The following RASAL2 variants were observed in gnomAD, a reference collection of about 807,000 sequenced individuals.
RASAL2 encodes the protein RAS protein activator like 2.
In RASAL2, 58 loss-of-function variants were observed where a neutral mutation model predicts 128.9. That is an observed-to-expected ratio of 0.45 (90% CI 0.36 to 0.56). The LOEUF (loss-of-function observed/expected upper bound fraction) is 0.56. Ranked by LOEUF, RASAL2 falls within the 20% of genes least tolerant of loss-of-function variation. The probability of loss-of-function intolerance (pLI) is 0.00; values close to 1 mark genes in which losing one functional copy is unlikely to be tolerated. For synonymous variants in RASAL2, 561 were observed against 580.8 expected (o/e 0.97, Z 0.49); for missense variants, 1,360 against 1,601.6 (o/e 0.85, Z 2.57).
intron 1 of RASAL2, among the ~76,000 whole-genome samples, chr1:178,232,721 G>C (rs1664061480): frequency 6.6e-6 from 1 of 152,100 alleles, no homozygotes; most frequent in African/African-American, 2.4e-5. Flanking sequence ...GCATTGATTT[G>C]CTTGAAATTA....
chr1:178,299,557 G>A (rs533649953), intron 2 of RASAL2, among the ~76,000 whole-genome samples: 1 of 152,014 alleles, frequency 6.6e-6, no homozygotes, highest in Non-Finnish European at 1.5e-5. Context: ...GAGTGCAGTG[G>A]TGTGATCTCG....
chr1:178,285,103 CTTTTTTTTTTT>C (rs58901015), intron 2 of RASAL2, among the ~76,000 whole-genome samples: 13 of 81,936 alleles, frequency 1.6e-4, no homozygotes, highest in East Asian at 1.4e-3. Flanking sequence ...TTGCTACTTT[CTTTTTTTTTTT>C]TTTTTTTTTT....
In RASAL2 at chr1:178,475,038, T is replaced by G. The variant is rs1489458413; in HGVS notation, c.*1799T>G. 6.6e-6 allele frequency: 1 copy of G among 152,230 alleles called. No homozygotes were observed. Among genetic ancestry groups the G allele is most frequent in the African/African-American group, 2.4e-5 (1 of 41,450 alleles). The allele number at this position is 152,230 out of a possible 1,614,324, so 9.4% of individuals were successfully genotyped here. Reference sequence around the variant, plus strand: ...GATGCCGACAGACACCAAGCCCTCCTTTTCACCAAGTCCCAGGCTTGCATT... The same window carrying G: ...GATGCCGACAGACACCAAGCCCTCCGTTTCACCAAGTCCCAGGCTTGCATT... On this transcript the variant is annotated 3_prime_UTR_variant, in exon 18 of 18. Transcript: ENST00000367649.
In RASAL2 at chr1:178,415,150, AC is replaced by A. The variant is rs1328566600; in HGVS notation, c.565-5360del. On this transcript the variant is annotated intron_variant, in intron 4 of 17. Coordinates refer to ENST00000367649, the MANE Select transcript of RASAL2 (RefSeq NM_170692.4). ...TTTTTTTTCTAGTTTTCTAAGATAG[AC>A]ACTTAGTATTGGGTTTAGATCTTTC... Among the ~76,000 whole-genome samples the A allele has an allele frequency of 2.0e-5, 3 of 152,044 alleles. 1 individual carries two copies. The highest frequency in any genetic ancestry group is 7.2e-5 in the African/African-American group (3 of 41,432).
intron 3 of RASAL2, among the ~76,000 whole-genome samples, chr1:178,378,892 GGAAA>G (rs1230890451): frequency 6.6e-6 from 1 of 151,582 alleles, no homozygotes; most frequent in Non-Finnish European, 1.5e-5. Flanking sequence ...GAAAGTTTAG[GGAAA>G]GAAAGAATGA....
At chr1:178,159,343 A>G (rs1412389959) in intron 1 of RASAL2, among the ~76,000 whole-genome samples, 1 of 152,188 alleles carries the variant, frequency 6.6e-6, no homozygotes, top group Non-Finnish European at 1.5e-5. Flanking sequence ...CTTTACTGTC[A>G]TGTATATATT....
chr1:178,341,397 G>A (rs1391541598), intron 3 of RASAL2: 1 of 1,380,662 alleles, frequency 7.2e-7, no homozygotes, highest in South Asian at 1.8e-5. Context: ...TGGGATTGGG[G>A]GCGGGGTTGG....
intron 1 of RASAL2, among the ~76,000 whole-genome samples, chr1:178,229,826 G>T (rs1037808367): frequency 1.3e-5 from 2 of 152,110 alleles, no homozygotes; most frequent in Non-Finnish European, 2.9e-5. Context: ...ATCTAATTAT[G>T]ATGAAATGGT....
chr1:178,094,475 C>T lies in RASAL2; in HGVS notation c.-18C>T, dbSNP rs778208959. The T allele has an allele frequency of 2.1e-5, 33 of 1,536,172 alleles. 1 individual carries two copies. In the South Asian group the frequency reaches 3.0e-4, roughly 14 times the overall value. On this transcript the variant is annotated 5_prime_UTR_variant, in exon 1 of 18. Coordinates refer to ENST00000367649, the MANE Select transcript of RASAL2 (RefSeq NM_170692.4). ...GCCCCGAAGCCGCCGCCTCGTCCCC[C>T]TCCCGCCTCGGGGCACCATGGAGCT...
rs1380309654 is a variant in RASAL2 at position 178,451,618 on chromosome 1, G to A, written c.1675G>A (p.Asp559Asn). The change falls in exon 10 of 18, where the codon GAT (aspartate) becomes AAT (asparagine). Residue 559 changes from aspartate (D) to asparagine (N), a missense_variant. By Grantham distance (23) the Asp-to-Asn change is conservative. This residue lies in a region of RASAL2 where 617 missense variants were observed against 714.2 expected (regional missense o/e 0.86). Coordinates refer to ENST00000367649, the MANE Select transcript of RASAL2 (RefSeq NM_170692.4). ...LYESDENCEV[D>N]PSKCSSSELI... ...TGAGTCCGATGAGAACTGTGAAGTG[G>A]ATCCCAGCAAATGTTCATCTAGTGA... 1.2e-6 allele frequency: 2 copies of A among 1,613,696 alleles called. No individual in the cohort carries two copies. Among genetic ancestry groups the A allele is most frequent in the African/African-American group, 1.3e-5 (1 of 74,888 alleles).
chr1:178,125,692 A>C (rs1020192658), intron 1 of RASAL2, among the ~76,000 whole-genome samples: 2 of 152,166 alleles, frequency 1.3e-5, no homozygotes, highest in African/African-American at 4.8e-5. Flanking sequence ...TGTCAAACAG[A>C]TGCAGAACGA....
intron 3 of RASAL2, among the ~76,000 whole-genome samples, chr1:178,342,963 G>C (rs1010487277): frequency 3.3e-5 from 5 of 152,110 alleles, no homozygotes; most frequent in Admixed American, 6.6e-5. Context: ...TTTTCATTTA[G>C]TGCCTAAAAA....
intron 3 of RASAL2, among the ~76,000 whole-genome samples, chr1:178,345,658 G>A (rs1299002764): frequency 1.3e-5 from 2 of 152,066 alleles, no homozygotes; most frequent in Admixed American, 6.6e-5. Context: ...AGATGTCTGG[G>A]TCCCTACTTC....
intron 4 of RASAL2, among the ~76,000 whole-genome samples, chr1:178,406,870 G>A (rs1044959860): frequency 6.6e-6 from 1 of 151,636 alleles, no homozygotes; most frequent in Non-Finnish European, 1.5e-5. Context: ...TGACATTAAT[G>A]TGTCAACATC....
chr1:178,437,814 A>G (rs1212080063), intron 5 of RASAL2, among the ~76,000 whole-genome samples: 2 of 152,164 alleles, frequency 1.3e-5, no homozygotes, highest in Non-Finnish European at 2.9e-5. Context: ...TTTGCAGTAC[A>G]TAACATGTCA....
chr1:178,378,461 G>T (rs911533107), intron 3 of RASAL2, among the ~76,000 whole-genome samples: 18 of 151,990 alleles, frequency 1.2e-4, no homozygotes, highest in Non-Finnish European at 1.8e-4. Context: ...TTGATTTAAT[G>T]GACATATATA....
intron 1 of RASAL2, among the ~76,000 whole-genome samples, chr1:178,113,195 C>T (rs950545099): frequency 6.6e-6 from 1 of 151,880 alleles, no homozygotes; most frequent in African/African-American, 2.4e-5. Flanking sequence ...TCAATTCCAT[C>T]GGTCTGTTGT....
intron 4 of RASAL2, among the ~76,000 whole-genome samples, chr1:178,418,385 A>G (rs775915802): frequency 1.3e-5 from 2 of 152,236 alleles, no homozygotes; most frequent in Non-Finnish European, 2.9e-5. Context: ...GAAGTGAATC[A>G]TAAAGACCTT....
chr1:178,295,312 G>A (rs1166936400), intron 2 of RASAL2, among the ~76,000 whole-genome samples: 4 of 151,170 alleles, frequency 2.6e-5, no homozygotes, highest in Admixed American at 2.6e-4. Flanking sequence ...ATAGGTACAC[G>A]TGTGCCATGG....
Sources: gnomAD v4.1 joint callset for allele counts (sites outside exome capture counted in the v4.1 genomes callset) on GRCh38, gnomAD v4.1.1 for gene constraint, gnomAD v4.1.1 regional missense constraint, MANE v1.5 for transcripts, NCBI Gene and HGNC (gene_info 2026-07-23, HGNC 2026-07-21) for gene names.